Variants in TRIM64B observed in about 807,000 individuals in gnomAD.
TRIM64B encodes tripartite motif-containing protein 64B.
For missense variants in TRIM64B, 57 were observed against 536.4 expected, an observed-to-expected ratio of 0.11 and a Z score of 8.83; for synonymous variants, 17 against 190.3, an observed-to-expected ratio of 0.09 and a Z score of 7.50.
At chr11:89,876,301 T>C (rs1169823052), upstream of TRIM64B, among the ~76,000 whole-genome samples, 161 of 144,144 alleles carry the variant, frequency 1.1e-3, no homozygotes, top group Non-Finnish European at 1.9e-3. Context: ...GGTGTGAATT[T>C]GTATGTAACC....
chr11:89,875,301 T>C (rs1249221617), intron 1 of TRIM64B, among the ~76,000 whole-genome samples: 1 of 152,286 alleles, frequency 6.6e-6, no homozygotes, highest in Non-Finnish European at 1.5e-5. Context: ...ATCAATATTC[T>C]GAGAAACTGG....
chr11:89,876,951 AG>A (rs1464854503), upstream of TRIM64B, among the ~76,000 whole-genome samples: 1 of 148,156 alleles, frequency 6.7e-6, no homozygotes, highest in African/African-American at 2.4e-5. Flanking sequence ...GCCTGGGTGG[AG>A]GGTAAAAGCT....
chr11:89,877,518 T>TC (rs1950172566), upstream of TRIM64B, among the ~76,000 whole-genome samples: 2 of 148,090 alleles, frequency 1.4e-5, no homozygotes, highest in African/African-American at 2.4e-5. Context: ...AATTCACCTT[T>TC]CGCTTAGTGA....
At chr11:89,877,997 T>C (rs1950176008), upstream of TRIM64B, among the ~76,000 whole-genome samples, 2 of 148,302 alleles carry the variant, frequency 1.3e-5, no homozygotes, top group Admixed American at 1.3e-4. Flanking sequence ...ATAAGACCTT[T>C]GCAACAAGAA....
intron 4 of TRIM64B, among the ~76,000 whole-genome samples, chr11:89,872,761 G>T (rs1252524677): frequency 3.3e-5 from 5 of 151,746 alleles, no homozygotes; most frequent in Non-Finnish European, 5.9e-5. Flanking sequence ...TCTAATTCCA[G>T]CCTGAGAACC....
At chr11:89,876,577 C>A (rs1194754353), upstream of TRIM64B, among the ~76,000 whole-genome samples, 1 of 149,484 alleles carries the variant, frequency 6.7e-6, no homozygotes, top group East Asian at 2.0e-4. Flanking sequence ...AAAAAATTAG[C>A]AGGGCGTGGT....
chr11:89,877,201 A>G (rs1316390392), upstream of TRIM64B, among the ~76,000 whole-genome samples: 1 of 100,540 alleles, frequency 9.9e-6, no homozygotes, highest in Admixed American at 1.3e-4. Context: ...TGGACTGTCA[A>G]CTCCTAAAAT....
intron 4 of TRIM64B, among the ~76,000 whole-genome samples, chr11:89,872,623 A>G (rs2134703970): frequency 6.6e-6 from 1 of 151,954 alleles, no homozygotes; most frequent in African/African-American, 2.4e-5. Context: ...GAAATATTTC[A>G]GAGAGCAGAA....
upstream of TRIM64B, among the ~76,000 whole-genome samples, chr11:89,877,520 G>C (rs567529377): frequency 1.4e-5 from 2 of 147,820 alleles, no homozygotes; most frequent in African/African-American, 2.4e-5. Flanking sequence ...TTCACCTTTC[G>C]CTTAGTGACT....
chr11:89,871,466 C>T (rs1291260499), intron 5 of TRIM64B, among the ~76,000 whole-genome samples: 1 of 152,104 alleles, frequency 6.6e-6, no homozygotes, highest in Non-Finnish European at 1.5e-5. Flanking sequence ...AGGTAGACAT[C>T]AATTTGCTGT....
chr11:89,876,879 A>G (rs1230182953), upstream of TRIM64B, among the ~76,000 whole-genome samples: 23 of 149,384 alleles, frequency 1.5e-4, no homozygotes, highest in African/African-American at 4.8e-4. Flanking sequence ...AACAGTCCTC[A>G]TGGCATTTTT....
chr11:89,876,842 A>G (rs1225645323), upstream of TRIM64B, among the ~76,000 whole-genome samples: 1 of 149,338 alleles, frequency 6.7e-6, no homozygotes, highest in African/African-American at 2.4e-5. Context: ...ACAACGAACA[A>G]CCGTGATGCA....
At chr11:89,871,412 A>G (rs1230161024) in intron 5 of TRIM64B, among the ~76,000 whole-genome samples, 2 of 152,228 alleles carry the variant, frequency 1.3e-5, no homozygotes, top group African/African-American at 2.4e-5. Flanking sequence ...TTTTTTCTTC[A>G]ATAGAAAACT....
chr11:89,876,445 A>G (rs1186393156), upstream of TRIM64B, among the ~76,000 whole-genome samples: 62 of 149,568 alleles, frequency 4.1e-4, 3 homozygotes, highest in African/African-American at 1.5e-3. Flanking sequence ...CATGTTTGGC[A>G]GGGCGCGGTA....
At chr11:89,871,521 C>A (rs1252157961) in intron 5 of TRIM64B, among the ~76,000 whole-genome samples, 2 of 151,054 alleles carry the variant, frequency 1.3e-5, no homozygotes, top group Non-Finnish European at 2.9e-5. Context: ...GTTATAGTCT[C>A]AAACATCAAA....
In TRIM64B at chr11:89,874,030, A is replaced by T. The variant is rs1950138571; in HGVS notation, c.735+19T>A. 1.9e-6 allele frequency: 3 copies of T among 1,548,978 alleles called. No homozygotes were observed. The African/African-American group carries it at 4.1e-5, about 21-fold the overall frequency. On this transcript the variant is annotated intron_variant, in intron 3 of 5. Transcript: ENST00000329862. ...CAGCAAAGGCTTCCTGTCTCTGAGG[A>T]TGGACCCTCCCTCCTCACCTGGAGC...
At chr11:89,875,801 G>C (rs1486500140) in exon 1 of TRIM64B, 1 of 1,540,234 alleles carries the variant, frequency 6.5e-7, no homozygotes, top group Non-Finnish European at 8.8e-7. Flanking sequence ...AGGGAAGACA[G>C]CTTTTTGAGT....
At chr11:89,878,172 A>G (rs1488916128), upstream of TRIM64B, among the ~76,000 whole-genome samples, 1 of 131,906 alleles carries the variant, frequency 7.6e-6, no homozygotes, top group African/African-American at 3.0e-5. Flanking sequence ...AACAATACAG[A>G]AAACAGTCGC....
chr11:89,878,470 G>T (rs2134716102), upstream of TRIM64B, among the ~76,000 whole-genome samples: 1 of 136,844 alleles, frequency 7.3e-6, no homozygotes, highest in Middle Eastern at 3.8e-3. Context: ...AATCCAGTGG[G>T]TCCTCACTGA....
Sources: allele counts gnomAD v4.1 joint callset (sites outside exome capture counted in the v4.1 genomes callset), GRCh38; gene constraint gnomAD v4.1.1; transcripts MANE v1.5; gene names NCBI Gene and HGNC (gene_info 2026-07-23, HGNC 2026-07-21).